ZFP64: variants seen among roughly 807,000 people sequenced by gnomAD.
ZFP64 encodes ZFP64 zinc finger protein, also known as zinc finger protein 64.
A neutral mutation model predicts 51.6 loss-of-function variants in ZFP64; 14 were observed. The ratio of observed to expected loss-of-function variants is 0.27; its 90% CI spans 0.18 to 0.42. ZFP64 has a LOEUF of 0.42. Among genes scored for constraint, ZFP64 ranks in the 10% least tolerant of loss-of-function variants. The pLI is 1.00. For synonymous variants in ZFP64, 375 were observed against 361.4 expected, an observed-to-expected ratio of 1.04 and a Z score of -0.43; for missense variants, 754 against 906.8, an observed-to-expected ratio of 0.83 and a Z score of 2.16.
At chr20:52,088,233 G>T in intron 8 of ZFP64, 2 of 1,224,898 alleles carry the variant, frequency 1.6e-6, no homozygotes, top group Non-Finnish European at 2.2e-6. Context: ...TGTTGTTCCG[G>T]CAACAGAAAA....
downstream of ZFP64, among the ~76,000 whole-genome samples, chr20:52,147,842 C>G (rs945750121): frequency 2.0e-5 from 3 of 152,018 alleles, no homozygotes; most frequent in Non-Finnish European, 4.4e-5. Context: ...TGGCGAAACC[C>G]CATCTCTACT....
Position 52,152,268 on chromosome 20 carries a change from T to C in ZFP64, c.1924A>G (p.Thr642Ala). Residue 642 changes from threonine to alanine, a missense_variant, in exon 6 of 6, where the codon ACC (threonine) becomes GCC (alanine). Transcript: ENST00000216923. ...SDGGQNIAVA[T>A]TAPPVFSSSS... ...GAGGAGAAGACCGGTGGCGCTGTGGTGGCCACTGCGATGTTCTGGCCTCCA... is the reference window on the plus strand; with the variant it reads ...GAGGAGAAGACCGGTGGCGCTGTGGCGGCCACTGCGATGTTCTGGCCTCCA... 6.2e-7 allele frequency: 1 copy of C among 1,614,172 alleles called. No individual in the cohort carries two copies.
chr20:52,116,141 CT>C (rs111516602), intron 5 of ZFP64, among the ~76,000 whole-genome samples: 93 of 143,298 alleles, frequency 6.5e-4, no homozygotes, highest in Middle Eastern at 3.7e-3. Context: ...GTCAATATTT[CT>C]TTTTTTTTTT....
intron 5 of ZFP64, among the ~76,000 whole-genome samples, chr20:52,106,331 A>C (rs964928789): frequency 2.0e-5 from 3 of 152,212 alleles, no homozygotes; most frequent in Non-Finnish European, 4.4e-5. Context: ...TACTTTCTTC[A>C]AATTAGGGAG....
chr20:52,110,760 C>G, intron 5 of ZFP64: 1 of 1,598,202 alleles, frequency 6.3e-7, no homozygotes, highest in Admixed American at 1.7e-5. Flanking sequence ...TCTCAAAGTC[C>G]CCCTCCCGGG....
At chr20:52,175,945 T>C in intron 2 of ZFP64, 2 of 985,008 alleles carry the variant, frequency 2.0e-6, no homozygotes, top group East Asian at 2.3e-4. Context: ...CAAACGGCCT[T>C]TACCGTCCAC....
At chr20:52,094,479 G>A (rs6091437) in intron 7 of ZFP64, among the ~76,000 whole-genome samples, 93,861 of 152,092 alleles carry the variant, frequency 0.62, 30,019 homozygotes, top group African/African-American at 0.79. Flanking sequence ...ATATAGGGCT[G>A]GGGGGGAAGG....
intron 5 of ZFP64, among the ~76,000 whole-genome samples, chr20:52,139,836 G>A (rs1253254734): frequency 6.7e-6 from 1 of 149,180 alleles, no homozygotes; most frequent in Non-Finnish European, 1.5e-5. Flanking sequence ...TGTGCTTTGC[G>A]GGCGCTGAGT....
chr20:52,110,092 A>G lies in ZFP64; in HGVS notation c.764-11505T>C, dbSNP rs1978477618. 3.3e-5 allele frequency among the ~76,000 whole-genome samples: 5 copies of G among 152,142 alleles called. No individual in the cohort carries two copies. In the South Asian group the frequency reaches 1.0e-3, roughly 31 times the overall value. On this transcript the variant is annotated intron_variant, in intron 5 of 8. Transcript: ENST00000361387. ...GGCCGTACACTCCTCAGTCTTCTCT[A>G]TAGCACCAATTCCTTCTGAGGGGTC...
chr20:52,119,532 AAATAT>A (rs1393140274), intron 5 of ZFP64, among the ~76,000 whole-genome samples: 27 of 84,760 alleles, frequency 3.2e-4, no homozygotes, highest in African/African-American at 1.2e-3. Flanking sequence ...AAAAAAAAAA[AAATAT>A]ATATATATAT....
chr20:52,191,654 T>A lies in ZFP64; in HGVS notation c.-18A>T. 2 of 1,578,104 alleles carry A rather than the reference T, an allele frequency of 1.3e-6. No individual in the cohort carries two copies. Among genetic ancestry groups the A allele is most frequent in the Non-Finnish European group, 1.7e-6 (2 of 1,165,828 alleles). Reference sequence around the variant, plus strand: ...GCGTTCATGGCCGCAGACTGGGAGGTCCCCGGCCGGCCGGGATGCCAAAGT... The same window carrying A: ...GCGTTCATGGCCGCAGACTGGGAGGACCCCGGCCGGCCGGGATGCCAAAGT... On this transcript the variant is annotated 5_prime_UTR_variant, in exon 1 of 6. Coordinates refer to ENST00000216923, the MANE Select transcript of ZFP64 (RefSeq NM_018197.3). This position sits in a 1 kb window ranked among gnomAD's most constrained non-coding sequence, Gnocchi z 4.3.
rs186702068 is a variant in ZFP64 at position 52,119,692 on chromosome 20, G to A, written c.764-21105C>T. 2.0e-3 allele frequency among the ~76,000 whole-genome samples: 298 copies of A among 151,426 alleles called. 1 individual carries two copies. The highest frequency in any genetic ancestry group is 6.8e-3 in the African/African-American group (281 of 41,234). ...AAGCAGGAGACTTGCTTGAACCTGGGAGGCGGAGGTTGCAGTGACAGAGAA... is the reference window on the plus strand; with the variant it reads ...AAGCAGGAGACTTGCTTGAACCTGGAAGGCGGAGGTTGCAGTGACAGAGAA... On this transcript the variant is annotated intron_variant, in intron 5 of 8. Transcript: ENST00000361387.
chr20:52,144,663 GCTA>G (rs1980438644), intron 5 of ZFP64, among the ~76,000 whole-genome samples: 1 of 145,992 alleles, frequency 6.8e-6, no homozygotes, highest in African/African-American at 2.5e-5. Context: ...AAGCAAAAGT[GCTA>G]CTTTTACTTT....
At chr20:52,125,091 A>G (rs916689880) in intron 5 of ZFP64, among the ~76,000 whole-genome samples, 5 of 152,210 alleles carry the variant, frequency 3.3e-5, no homozygotes, top group Non-Finnish European at 5.9e-5. Context: ...TACAAGGGCA[A>G]GGGCTGAGCT....
intron 5 of ZFP64, among the ~76,000 whole-genome samples, chr20:52,103,318 G>A (rs570485989): frequency 6.6e-6 from 1 of 152,292 alleles, no homozygotes; most frequent in East Asian, 1.9e-4. Context: ...GAGTTGCAAA[G>A]ACACTTGCAA....
intron 5 of ZFP64, among the ~76,000 whole-genome samples, chr20:52,141,314 T>C (rs1048093776): frequency 6.6e-6 from 1 of 152,214 alleles, no homozygotes; most frequent in African/African-American, 2.4e-5. Flanking sequence ...CTCTGATGCA[T>C]CTGGGCAAAG....
intron 5 of ZFP64, chr20:52,110,498 A>C: frequency 1.4e-6 from 1 of 707,996 alleles, no homozygotes; most frequent in South Asian, 1.7e-5. Flanking sequence ...GCCTAGTCTA[A>C]GATCTTCCCT....
Position 52,186,910 on chromosome 20 carries a change from C to A in ZFP64, c.208G>T (p.Val70Leu). The A allele has an allele frequency of 6.2e-7, 1 of 1,614,044 alleles. No individual in the cohort carries two copies. The highest frequency in any genetic ancestry group is 8.5e-7 in the Non-Finnish European group (1 of 1,179,930). The change falls in exon 2 of 6, where the codon GTA becomes TTA. Residue 70 changes from valine to leucine, a missense_variant. Val to Leu is a conservative substitution (Grantham distance 32, BLOSUM62 1). This residue lies in a region of ZFP64 where 95 missense variants were observed against 97.7 expected (regional missense o/e 0.97). Coordinates refer to ENST00000216923, the MANE Select transcript of ZFP64 (RefSeq NM_018197.3). ...SAAAPSTVQF[V>L]SEETVPATQT... ...GTGGCAGGCACTGTTTCCTCCGATA[C>A]AAACTGGACCGTGCTGGGGGCTGCT...
intron 5 of ZFP64, chr20:52,111,010 AG>A: frequency 1.4e-6 from 2 of 1,477,928 alleles, no homozygotes; most frequent in Non-Finnish European, 1.9e-6. Context: ...GACCGTATCC[AG>A]GGGAAGGGCG....
Sources: gnomAD v4.1 joint callset for allele counts (sites outside exome capture counted in the v4.1 genomes callset) on GRCh38, gnomAD v4.1.1 for gene constraint, gnomAD v4.1.1 regional missense constraint, Gnocchi (gnomAD v3.1) non-coding constraint, MANE v1.5 for transcripts, NCBI Gene and HGNC (gene_info 2026-07-23, HGNC 2026-07-21) for gene names.